The following KCNV2 variants were observed in gnomAD, a reference collection of about 807,000 sequenced individuals.
KCNV2 encodes the protein potassium voltage-gated channel subfamily V member 2.
KCNV2 carries 65 observed loss-of-function variants against 37.0 expected under a neutral mutation model. The observed-to-expected ratio is 1.76, with a 90% CI of 1.44 to 2.16. The LOEUF (loss-of-function observed/expected upper bound fraction) is 2.16. Among genes scored for constraint, KCNV2 ranks in the 30% most tolerant of loss-of-function variants. The pLI, the probability that KCNV2 is intolerant of heterozygous loss-of-function variation, is 0.00. For missense variants in KCNV2, 1,232 were observed against 766.7 expected (o/e 1.61, Z -7.17); for synonymous variants, 518 against 328.6 (o/e 1.58, Z -6.23).
intron 1 of KCNV2, among the ~76,000 whole-genome samples, chr9:2,722,160 A>T (rs11792860): frequency 7.2e-6 from 1 of 138,868 alleles, no homozygotes; most frequent in African/African-American, 2.9e-5. Flanking sequence ...GTTATTTATA[A>T]ATAAATTAGA....
rs1261691565 is a variant in KCNV2, at chr9:2,718,140, G to A, written c.401G>A (p.Arg134His). ...CTGGCCACCTCCACCAGCCGCAGCC[G>A]CCAGCTAAGCCTGTGCGACGACTAC... ...GRLATSTSRSRQLSLCDDYEE... is the reference protein window; with the variant it reads ...GRLATSTSRSHQLSLCDDYEE... Residue 134 changes from arginine to histidine, a missense_variant, in exon 1 of 2, where the codon CGC (arginine) becomes CAC (histidine). By Grantham distance (29) the Arg-to-His change is conservative (BLOSUM62 0). Transcript: ENST00000382082. The A allele has an allele frequency of 4.3e-6, 7 of 1,609,584 alleles. No homozygotes were observed. Among genetic ancestry groups the A allele is most frequent in the African/African-American group, 4.0e-5 (3 of 74,904 alleles).
At position 2,718,142 on chromosome 9, in the gene KCNV2, C is replaced by T; in HGVS notation, c.403C>T (p.Gln135Ter). 6.2e-7 allele frequency: 1 copy of T among 1,610,554 alleles called. No homozygotes were observed. Among genetic ancestry groups the T allele is most frequent in the Non-Finnish European group, 8.5e-7 (1 of 1,178,524 alleles). Reference protein sequence around the residue: ...RLATSTSRSRQLSLCDDYEEQ... With the variant: ...RLATSTSRSR ...GGCCACCTCCACCAGCCGCAGCCGC[C>T]AGCTAAGCCTGTGCGACGACTACGA... The change falls in exon 1 of 2, where the codon CAG becomes TAG. Residue 135 changes from glutamine to a stop codon, truncating the protein, a stop_gained. Coordinates refer to ENST00000382082, the MANE Select transcript of KCNV2 (RefSeq NM_133497.4). LOFTEE classifies it high-confidence loss of function.
chr9:2,723,977 T>G (rs1819927738), intron 1 of KCNV2, among the ~76,000 whole-genome samples: 1 of 151,664 alleles, frequency 6.6e-6, no homozygotes, highest in Non-Finnish European at 1.5e-5. Context: ...TTTTTTTTTT[T>G]TAGCCTCAAC....
At position 2,718,487 on chromosome 9, in the gene KCNV2, A is replaced by G; in HGVS notation, c.748A>G (p.Met250Val). The G allele has an allele frequency of 2.5e-6, 4 of 1,610,702 alleles. No individual in the cohort carries two copies. The highest frequency in any genetic ancestry group is 3.4e-6 in the Non-Finnish European group (4 of 1,179,138). ...GPQRRRLWNL[M>V]EKPFSSVAAK... is the part of the protein sequence containing the mutation. ...GCAGCGGCGCCGCCTCTGGAACCTC[A>G]TGGAGAAGCCATTCTCCTCGGTGGC... Residue 250 changes from methionine (M) to valine (V), a missense_variant, in exon 1 of 2, where the codon ATG becomes GTG. Physicochemically the swap from Met to Val is conservative, Grantham distance 21 (BLOSUM62 1). Transcript: ENST00000382082.
chr9:2,719,230 G>C, intron 1 of KCNV2, 135 bp downstream of exon 1: 1 of 963,102 alleles, frequency 1.0e-6, no homozygotes, highest in Non-Finnish European at 1.6e-6. Context: ...GCCGCATACA[G>C]CTAACAAAAC....
intron 1 of KCNV2, among the ~76,000 whole-genome samples, chr9:2,722,389 A>ATTAGAAGTTATTTATAAATAAG (rs1819892161): frequency 9.5e-5 from 12 of 126,308 alleles, no homozygotes; most frequent in Admixed American, 8.2e-4. Context: ...TTATAAATAA[A>ATTAGAAGTTATTTATAAATAAG]TTAGAAGTTA....
intron 1 of KCNV2, among the ~76,000 whole-genome samples, chr9:2,727,621 G>T (rs1819990159): frequency 6.6e-6 from 1 of 152,128 alleles, no homozygotes; most frequent in South Asian, 2.1e-4. Flanking sequence ...CGTATATAGA[G>T]TTGCTGGTGT....
intron 1 of KCNV2, among the ~76,000 whole-genome samples, chr9:2,727,733 T>C (rs1281193806): frequency 1.3e-5 from 2 of 152,110 alleles, no homozygotes; most frequent in Admixed American, 6.6e-5. Context: ...TATAATAATA[T>C]TATTGCTTAC....
intron 1 of KCNV2, among the ~76,000 whole-genome samples, chr9:2,720,729 G>T (rs7875791): frequency 0.046 from 7,077 of 152,252 alleles, 577 homozygotes; most frequent in African/African-American, 0.16. Flanking sequence ...AGGCACTGGA[G>T]CTAGTACACT....
chr9:2,718,410 C>A lies in KCNV2; in HGVS notation c.671C>A (p.Ala224Glu), dbSNP rs776156112. 31 of 1,603,134 alleles carry A rather than the reference C, an allele frequency of 1.9e-5. No individual in the cohort carries two copies. The highest frequency in any genetic ancestry group is 2.6e-5 in the Non-Finnish European group (30 of 1,175,928). The change falls in exon 1 of 2, where the codon GCG (alanine) becomes GAG (glutamate). Residue 224 changes from alanine to glutamate, a missense_variant. Transcript: ENST00000382082. ...LKIQHELRAQAQVEEAEELFR... is the reference protein window; with the variant it reads ...LKIQHELRAQEQVEEAEELFR... ...ATCCAGCACGAGCTGCGCGCGCAGGCGCAGGTCGAGGAGGCGGAGGAACTC... is the reference window on the plus strand; with the variant it reads ...ATCCAGCACGAGCTGCGCGCGCAGGAGCAGGTCGAGGAGGCGGAGGAACTC...
At position 2,720,365 on chromosome 9, in the gene KCNV2, A is replaced by T. The variant is rs909581732; in HGVS notation, c.1356+1270A>T. On this transcript the variant is annotated intron_variant, in intron 1 of 1. Transcript: ENST00000382082. The stretch of plus-strand genomic sequence containing the variant: ...TCACCTCTAAAAGGGGAGGCTGGAC[A>T]TGTAAAAGTCTGCAGTTCAGTGAGT... The T allele has an allele frequency of 2.6e-5, 4 of 151,654 alleles. No individual in the cohort carries two copies. In the Admixed American group the frequency reaches 2.6e-4, roughly 10 times the overall value. 9.4% of individuals were successfully genotyped at this position (151,654 alleles called of 1,614,324 possible).
chr9:2,718,153 G>C lies in KCNV2; in HGVS notation c.414G>C (p.Leu138=). Residue 138 remains leucine (L), a synonymous_variant, in exon 1 of 2, where the codon CTG becomes CTC. Transcript: ENST00000382082. Reference sequence around the variant, plus strand: ...CCAGCCGCAGCCGCCAGCTAAGCCTGTGCGACGACTACGAGGAGCAGACAG... The same window carrying C: ...CCAGCCGCAGCCGCCAGCTAAGCCTCTGCGACGACTACGAGGAGCAGACAG... ...TSTSRSRQLS[L]CDDYEEQTDE... is the part of the protein sequence containing the mutation. 2 of 1,611,898 alleles carry C rather than the reference G, an allele frequency of 1.2e-6. No individual in the cohort carries two copies. The highest frequency in any genetic ancestry group is 1.3e-5 in the African/African-American group (1 of 75,052).
At chr9:2,728,506 A>G (rs1820004782) in intron 1 of KCNV2, among the ~76,000 whole-genome samples, 1 of 152,208 alleles carries the variant, frequency 6.6e-6, no homozygotes, top group Non-Finnish European at 1.5e-5. Context: ...GCATTTTAAA[A>G]CAGAAGCTTG....
At chr9:2,723,956 T>A (rs193186064) in intron 1 of KCNV2, among the ~76,000 whole-genome samples, 1 of 151,086 alleles carries the variant, frequency 6.6e-6, no homozygotes, top group African/African-American at 2.4e-5. Flanking sequence ...ATGGTTTTTT[T>A]CTTTTACTTT....
chr9:2,727,738 G>T (rs1563800068), intron 1 of KCNV2, among the ~76,000 whole-genome samples: 1 of 152,056 alleles, frequency 6.6e-6, no homozygotes, highest in Non-Finnish European at 1.5e-5. Flanking sequence ...TAATATTATT[G>T]CTTACACACC....
At position 2,718,434 on chromosome 9, in the gene KCNV2, T is replaced by G. The variant is rs745887568; in HGVS notation, c.695T>G (p.Leu232Arg). The G allele has an allele frequency of 1.9e-6, 3 of 1,606,566 alleles. No individual in the cohort carries two copies. The highest frequency in any genetic ancestry group is 4.5e-5 in the East Asian group (2 of 44,570). ...GCGCAGGTCGAGGAGGCGGAGGAAC[T>G]CTTCCGCGACATGCGCTTCTACGGC... ...AQAQVEEAEE[L>R]FRDMRFYGPQ... Residue 232 changes from leucine to arginine, a missense_variant, in exon 1 of 2, where the codon CTC becomes CGC. By Grantham distance (102) the Leu-to-Arg change is moderately radical. Coordinates refer to ENST00000382082, the MANE Select transcript of KCNV2 (RefSeq NM_133497.4).
chr9:2,722,400 T>TTTATAAATAAGTTATTTATAAATAGAAG (rs1819892700), intron 1 of KCNV2, among the ~76,000 whole-genome samples: 5 of 140,134 alleles, frequency 3.6e-5, no homozygotes, highest in Admixed American at 3.5e-4. Context: ...TTAGAAGTTA[T>TTTATAAATAAGTTATTTATAAATAGAAG]TTATAAATAA....
intron 1 of KCNV2, among the ~76,000 whole-genome samples, chr9:2,723,008 C>T (rs1158596011): frequency 2.0e-5 from 3 of 152,184 alleles, no homozygotes; most frequent in African/African-American, 7.2e-5. Context: ...AGCTGCAAGT[C>T]AAAGGGCAGG....
At chr9:2,721,414 C>T (rs1386413111) in intron 1 of KCNV2, among the ~76,000 whole-genome samples, 2 of 152,198 alleles carry the variant, frequency 1.3e-5, no homozygotes, top group Admixed American at 1.3e-4. Context: ...CTTCTAACTA[C>T]ACTCCATAAT....
Sources: gnomAD v4.1 joint callset for allele counts (sites outside exome capture counted in the v4.1 genomes callset) on GRCh38, gnomAD v4.1.1 for gene constraint, MANE v1.5 for transcripts, NCBI Gene and HGNC (gene_info 2026-07-23, HGNC 2026-07-21) for gene names.